RELL1: variants seen among roughly 807,000 people sequenced by gnomAD.
RELL1 encodes RELT like 1, also known as RELT-like protein 1.
In RELL1, 10 loss-of-function variants were observed where a neutral mutation model predicts 23.0. The observed-to-expected ratio is 0.43, with a 90% CI of 0.27 to 0.74. The LOEUF is 0.74. Among genes scored for constraint, RELL1 ranks in the 30% least tolerant of loss-of-function variants. The pLI is 0.19. For synonymous variants in RELL1, 146 were observed against 146.8 expected (o/e 0.99, Z 0.04); for missense variants, 315 against 364.4 (o/e 0.86, Z 1.10).
intron 6 of RELL1, among the ~76,000 whole-genome samples, chr4:37,598,006 G>A (rs901558074): frequency 4.7e-5 from 7 of 149,718 alleles, no homozygotes; most frequent in African/African-American, 7.3e-5. Context: ...AGCTGAGATC[G>A]TGCTGGTGCA....
intron 5 of RELL1, 85 bp from the exon 6 acceptor site, chr4:37,631,608 G>C: frequency 6.7e-7 from 1 of 1,484,694 alleles, no homozygotes; most frequent in Non-Finnish European, 9.1e-7. Flanking sequence ...TCCACCCAGA[G>C]GATCTCAAAT....
At chr4:37,673,685 C>A (rs1395690832) in intron 1 of RELL1, among the ~76,000 whole-genome samples, 1 of 152,188 alleles carries the variant, frequency 6.6e-6, no homozygotes, top group Non-Finnish European at 1.5e-5. Flanking sequence ...ACCTACACTT[C>A]TGCAGATAAG....
intron 6 of RELL1, among the ~76,000 whole-genome samples, chr4:37,618,970 C>T (rs973464728): frequency 1.2e-4 from 19 of 152,134 alleles, no homozygotes; most frequent in Non-Finnish European, 2.2e-4. Context: ...ACCTCCGCCT[C>T]CCGGGTTCAA....
chr4:37,631,581 G>T, intron 5 of RELL1, 58 bp from the exon 6 acceptor site: 1 of 1,573,736 alleles, frequency 6.4e-7, no homozygotes, highest in South Asian at 1.2e-5. Flanking sequence ...CAAGAATTAT[G>T]AATAAAGCAA....
chr4:37,614,702 G>C (rs954534411), intron 6 of RELL1, among the ~76,000 whole-genome samples: 1 of 151,608 alleles, frequency 6.6e-6, no homozygotes, highest in African/African-American at 2.4e-5. Context: ...AAATGAGAGG[G>C]AATTTTCCAG....
intron 6 of RELL1, among the ~76,000 whole-genome samples, chr4:37,614,467 CATGGATCAAGTTTTTA>C (rs1719508111): frequency 6.6e-6 from 1 of 152,120 alleles, no homozygotes; most frequent in Admixed American, 6.5e-5. Flanking sequence ...AATAAAACAG[CATGGATCAAGTTTTTA>C]ATTCTAATGA....
chr4:37,631,743 T>TAA (rs991476308), intron 5 of RELL1, among the ~76,000 whole-genome samples: 29 of 152,242 alleles, frequency 1.9e-4, no homozygotes, highest in Non-Finnish European at 3.8e-4. Flanking sequence ...CATCACAGAC[T>TAA]AAGCCGGATA....
intron 1 of RELL1, among the ~76,000 whole-genome samples, chr4:37,678,054 TA>T (rs1468682056): frequency 6.6e-6 from 1 of 152,128 alleles, no homozygotes; most frequent in Non-Finnish European, 1.5e-5. Context: ...CTGCAGGCTG[TA>T]TAGGAAGCAT....
intron 5 of RELL1, among the ~76,000 whole-genome samples, chr4:37,634,160 C>T (rs938760744): frequency 6.6e-5 from 10 of 152,192 alleles, no homozygotes; most frequent in Non-Finnish European, 1.3e-4. Context: ...ACTTGAACTG[C>T]AAGATCTCCA....
rs1337492197 is a variant in RELL1 at position 37,649,288 on chromosome 4, C to T, written c.301G>A (p.Val101Ile). The stretch of plus-strand genomic sequence containing the variant: ...CCTGGTTATTTACCTATCTTTTCAA[C>T]CTTTTCCTCTTCGATATCTTGCTCT... ...EAEQDIEEEK[V>I]EKIELNDSVN... The change falls in exon 2 of 7, where the codon GTT (valine) becomes ATT (isoleucine). Residue 101 changes from valine to isoleucine, a missense_variant. By Grantham distance (29) the Val-to-Ile change is conservative. Coordinates refer to ENST00000454158, the MANE Select transcript of RELL1 (RefSeq NM_001085400.2). 1.2e-6 allele frequency: 2 copies of T among 1,614,044 alleles called. No individual in the cohort carries two copies. Among genetic ancestry groups the T allele is most frequent in the Admixed American group, 1.7e-5 (1 of 60,012 alleles).
intron 1 of RELL1, among the ~76,000 whole-genome samples, chr4:37,681,941 A>C (rs1426924005): frequency 6.6e-6 from 1 of 152,212 alleles, no homozygotes; most frequent in Non-Finnish European, 1.5e-5. Context: ...TGTTAGAATA[A>C]AAAGAATTTT....
intron 6 of RELL1, among the ~76,000 whole-genome samples, chr4:37,622,113 TA>T (rs1719788838): frequency 6.6e-6 from 1 of 151,980 alleles, no homozygotes; most frequent in South Asian, 2.1e-4. Context: ...TGTGGGAGAG[TA>T]AAAGCTGGTT....
chr4:37,635,246 G>T, intron 4 of RELL1, 123 bp from the exon 5 acceptor site: 1 of 741,392 alleles, frequency 1.3e-6, no homozygotes, highest in Non-Finnish European at 2.2e-6. Context: ...TCTTCCAATT[G>T]TACAAATGGA....
At chr4:37,640,010 A>G (rs1720471010) in intron 3 of RELL1, among the ~76,000 whole-genome samples, 1 of 152,188 alleles carries the variant, frequency 6.6e-6, no homozygotes, top group Non-Finnish European at 1.5e-5. Flanking sequence ...AATACGGCAG[A>G]TATATTATAT....
intron 1 of RELL1, among the ~76,000 whole-genome samples, chr4:37,655,260 T>A (rs894149845): frequency 1.2e-4 from 18 of 144,134 alleles, no homozygotes; most frequent in African/African-American, 4.6e-4. Context: ...TATATATATA[T>A]AAAAAGCAAG....
intron 6 of RELL1, among the ~76,000 whole-genome samples, chr4:37,614,673 TAAA>T (rs781450757): frequency 1.6e-5 from 2 of 127,576 alleles, no homozygotes; most frequent in Admixed American, 1.6e-4. Flanking sequence ...AAAATGGCCC[TAAA>T]AAAAAAAAAA....
At chr4:37,610,233 G>GTAT (rs1265392614), downstream of RELL1, among the ~76,000 whole-genome samples, 5 of 141,478 alleles carry the variant, frequency 3.5e-5, no homozygotes, top group Admixed American at 2.1e-4. The surrounding 1 kb of genome is among the most constrained non-coding windows in gnomAD (Gnocchi z 4.1). Flanking sequence ...TCAGATTATC[G>GTAT]TATTTTTTTT....
chr4:37,666,907 G>A (rs1055777253), intron 1 of RELL1, among the ~76,000 whole-genome samples: 9 of 152,228 alleles, frequency 5.9e-5, no homozygotes, highest in Non-Finnish European at 1.0e-4. Flanking sequence ...AGACAGGCAC[G>A]TGGGCTGGCT....
chr4:37,631,481 T>C lies in RELL1; in HGVS notation c.723A>G (p.Glu241=), dbSNP rs1231620999. Residue 241 remains glutamate (E), a synonymous_variant, in exon 6 of 7, where the codon GAA becomes GAG. Transcript: ENST00000454158. ...TKVEHKSNQK[E]RRSLMSVSGA... ...CACTAACAGACATCAGGCTTCTCCG[T>C]TCCTTCTGGTTTGACTTGTGCTCCA... is the stretch of plus-strand genomic sequence containing the variant. 1.2e-6 allele frequency: 2 copies of C among 1,613,978 alleles called. No individual in the cohort carries two copies. Among genetic ancestry groups the C allele is most frequent in the African/African-American group, 2.7e-5 (2 of 74,896 alleles).
Sources: allele counts gnomAD v4.1 joint callset (sites outside exome capture counted in the v4.1 genomes callset), GRCh38; gene constraint gnomAD v4.1.1; non-coding constraint Gnocchi (gnomAD v3.1); transcripts MANE v1.5; gene names NCBI Gene and HGNC (gene_info 2026-07-23, HGNC 2026-07-21).